MAP4K3: variants seen among roughly 807,000 people sequenced by gnomAD.
The protein encoded by MAP4K3 is mitogen-activated protein kinase kinase kinase kinase 3.
MAP4K3 carries 94 observed loss-of-function variants against 143.5 expected under a neutral mutation model. The ratio of observed to expected loss-of-function variants is 0.65; its 90% CI spans 0.55 to 0.78. MAP4K3 has a LOEUF of 0.78. Among genes scored for constraint, MAP4K3 ranks in the 30% least tolerant of loss-of-function variants. The pLI is 0.00. For synonymous variants in MAP4K3, 416 were observed against 347.2 expected (o/e 1.20, Z -2.20); for missense variants, 1,077 against 1,068.1 (o/e 1.01, Z -0.12).
intron 21 of MAP4K3, among the ~76,000 whole-genome samples, chr2:39,284,797 T>C (rs990285578): frequency 1.3e-5 from 2 of 151,484 alleles, no homozygotes; most frequent in African/African-American, 2.4e-5. Flanking sequence ...TGAGCCAAAA[T>C]TGCGCCACTG....
At chr2:39,392,183 C>CAAAAAAAAAAAAAAAAAAAAAAAA (rs3086434) in intron 1 of MAP4K3, among the ~76,000 whole-genome samples, 1 of 69,052 alleles carries the variant, frequency 1.4e-5, no homozygotes, top group Admixed American at 2.1e-4. Context: ...CACTCCTACT[C>CAAAAAAAAAAAAAAAAAAAAAAAA]AAAAAAAAAA....
intron 1 of MAP4K3, among the ~76,000 whole-genome samples, chr2:39,396,135 TCAAA>T (rs1221146787): frequency 1.3e-5 from 2 of 152,136 alleles, no homozygotes; most frequent in Non-Finnish European, 1.5e-5. Context: ...ACTCCTGGGC[TCAAA>T]CAATCTTCCT....
At chr2:39,345,038 G>A (rs1408416472) in intron 3 of MAP4K3, among the ~76,000 whole-genome samples, 1 of 152,118 alleles carries the variant, frequency 6.6e-6, no homozygotes, top group Non-Finnish European at 1.5e-5. Flanking sequence ...AAAAAATCAA[G>A]TACTAAGATT....
chr2:39,376,946 G>A (rs1431143236), intron 2 of MAP4K3, among the ~76,000 whole-genome samples: 4 of 152,096 alleles, frequency 2.6e-5, no homozygotes, highest in African/African-American at 9.7e-5. Flanking sequence ...TAAACATCTT[G>A]TCTTGCGATG....
intron 1 of MAP4K3, among the ~76,000 whole-genome samples, chr2:39,379,249 T>C (rs531552565): frequency 1.7e-3 from 257 of 152,174 alleles, no homozygotes; most frequent in African/African-American, 5.9e-3. Context: ...GGCACCGTCA[T>C]TGCTGAAAAT....
chr2:39,252,035 T>C (rs1176108543), intron 32 of MAP4K3, 150 bp from the exon 33 acceptor site: 12 of 618,792 alleles, frequency 1.9e-5, no homozygotes, highest in Non-Finnish European at 3.5e-5. Flanking sequence ...AGCATGTAGA[T>C]ACATCAATTT....
intron 15 of MAP4K3, among the ~76,000 whole-genome samples, chr2:39,305,260 T>C (rs527464490): frequency 2.6e-5 from 4 of 152,202 alleles, no homozygotes; most frequent in Non-Finnish European, 4.4e-5. Context: ...AACATAACCA[T>C]GGGACATATA....
intron 1 of MAP4K3, among the ~76,000 whole-genome samples, chr2:39,433,447 T>G (rs538831337): frequency 6.6e-6 from 1 of 152,274 alleles, no homozygotes; most frequent in South Asian, 2.1e-4. Context: ...ATAATAAAAA[T>G]TAAACTGGAA....
In MAP4K3 at chr2:39,278,396, A is replaced by G. The variant is rs1240682285; in HGVS notation, c.1794+11T>C. Reference sequence around the variant, plus strand: ...AAATTAAAAAAAAAAAGAATATACAAAATAACATACCTGTTCCATTGATGT... The same window carrying G: ...AAATTAAAAAAAAAAAGAATATACAGAATAACATACCTGTTCCATTGATGT... On this transcript the variant is annotated intron_variant, in intron 24 of 33. Coordinates refer to ENST00000263881, the MANE Select transcript of MAP4K3 (RefSeq NM_003618.4). 6.6e-7 allele frequency: 1 copy of G among 1,515,282 alleles called. No homozygotes were observed. The highest frequency in any genetic ancestry group is 9.0e-7 in the Non-Finnish European group (1 of 1,115,808). The allele number at this position is 1,515,282 out of a possible 1,614,324, so 93.9% of individuals were successfully genotyped here.
At chr2:39,299,028 G>A (rs1164943338) in intron 16 of MAP4K3, among the ~76,000 whole-genome samples, 3 of 151,142 alleles carry the variant, frequency 2.0e-5, no homozygotes, top group African/African-American at 7.3e-5. Context: ...ATGCACTGCT[G>A]GAAGATTTTG....
At chr2:39,254,227 G>A (rs1199764521) in intron 32 of MAP4K3, among the ~76,000 whole-genome samples, 2 of 152,168 alleles carry the variant, frequency 1.3e-5, no homozygotes, top group Non-Finnish European at 2.9e-5. Context: ...ATTTCAGACT[G>A]ATTATCTGGA....
At chr2:39,305,629 G>A (rs990059669) in intron 15 of MAP4K3, among the ~76,000 whole-genome samples, 28 of 152,076 alleles carry the variant, frequency 1.8e-4, no homozygotes, top group Middle Eastern at 3.4e-3. Flanking sequence ...TCTTCTGCCC[G>A]AACTAACCTA....
intron 13 of MAP4K3, among the ~76,000 whole-genome samples, chr2:39,314,442 T>C (rs1376979842): frequency 2.0e-5 from 3 of 152,208 alleles, no homozygotes; most frequent in Non-Finnish European, 4.4e-5. Context: ...TTCGGAAAAA[T>C]AGTTTTGTGG....
At chr2:39,378,570 T>C (rs1302700036) in intron 1 of MAP4K3, among the ~76,000 whole-genome samples, 1 of 152,160 alleles carries the variant, frequency 6.6e-6, no homozygotes, top group Non-Finnish European at 1.5e-5. Flanking sequence ...CCTTTAAGTA[T>C]TACACTGTAT....
chr2:39,349,873 A>G (rs1183481226), intron 3 of MAP4K3, among the ~76,000 whole-genome samples: 1 of 152,232 alleles, frequency 6.6e-6, no homozygotes, highest in African/African-American at 2.4e-5. Context: ...ACATATTTGT[A>G]TCCCTCAGAA....
intron 3 of MAP4K3, among the ~76,000 whole-genome samples, chr2:39,351,356 CTG>C (rs1035181689): frequency 6.6e-6 from 1 of 152,248 alleles, no homozygotes; most frequent in African/African-American, 2.4e-5. Flanking sequence ...AGAGCTTTCT[CTG>C]ATTCCCCTAC....
At chr2:39,337,723 T>A (rs1665008023) in intron 4 of MAP4K3, 142 bp from the exon 5 acceptor site, 1 of 439,406 alleles carries the variant, frequency 2.3e-6, no homozygotes, top group African/African-American at 2.1e-5. Flanking sequence ...CAGGCATGAA[T>A]TACTACTGTC....
intron 1 of MAP4K3, among the ~76,000 whole-genome samples, chr2:39,397,792 C>T (rs1479973570): frequency 2.0e-5 from 3 of 152,090 alleles, no homozygotes; most frequent in Admixed American, 2.0e-4. Context: ...TCCGGAAATA[C>T]ACCCATATAA....
chr2:39,311,968 C>T (rs972241914), intron 13 of MAP4K3, among the ~76,000 whole-genome samples: 4 of 151,426 alleles, frequency 2.6e-5, no homozygotes, highest in East Asian at 3.9e-4. Flanking sequence ...TACAGAAATA[C>T]AGTATTGAAT....
Sources: gnomAD v4.1 joint callset for allele counts (sites outside exome capture counted in the v4.1 genomes callset) on GRCh38, gnomAD v4.1.1 for gene constraint, MANE v1.5 for transcripts, NCBI Gene and HGNC (gene_info 2026-07-23, HGNC 2026-07-21) for gene names.